The following SLC7A2 variants were observed in gnomAD, a reference collection of about 807,000 sequenced individuals.
The protein encoded by SLC7A2 is cationic amino acid transporter 2.
SLC7A2 carries 48 observed loss-of-function variants against 58.9 expected under a neutral mutation model. The observed-to-expected ratio is 0.82, with a 90% CI of 0.65 to 1.04. SLC7A2 has a LOEUF of 1.04. SLC7A2 is among the 50% of genes least tolerant of loss of function. The pLI is 0.00. For missense variants in SLC7A2, 1,029 were observed against 818.8 expected, an observed-to-expected ratio of 1.26 and a Z score of -3.13; for synonymous variants, 363 against 314.5, an observed-to-expected ratio of 1.15 and a Z score of -1.63.
At chr8:17,564,477 G>A (rs2150787277) in intron 12 of SLC7A2, among the ~76,000 whole-genome samples, 1 of 152,262 alleles carries the variant, frequency 6.6e-6, no homozygotes, top group South Asian at 2.1e-4. Flanking sequence ...TTCTTCTAAA[G>A]CAGCGGTCCC....
chr8:17,542,179 A>T (rs1801941075), intron 2 of SLC7A2, among the ~76,000 whole-genome samples: 1 of 152,240 alleles, frequency 6.6e-6, no homozygotes, highest in Admixed American at 6.5e-5. Flanking sequence ...CTTCACATTC[A>T]TTGTTTAAAA....
At position 17,551,976 on chromosome 8, in the gene SLC7A2, T is replaced by A; in HGVS notation, c.1045T>A (p.Leu349Met). 6.2e-7 allele frequency: 1 copy of A among 1,613,900 alleles called. No homozygotes were observed. The highest frequency in any genetic ancestry group is 1.1e-5 in the South Asian group (1 of 91,072). Residue 349 changes from leucine (L) to methionine (M), a missense_variant, in exon 7 of 13, where the codon TTG (leucine) becomes ATG (methionine). Transcript: ENST00000494857. ...YVVAAGSLCA[L>M]STSLLGSIFP... is the part of the protein sequence containing the mutation. ...CGTCGCAGCTGGTTCTCTCTGCGCCTTGTCAACAAGGTACATTGCATCGCC... is the reference window on the plus strand; with the variant it reads ...CGTCGCAGCTGGTTCTCTCTGCGCCATGTCAACAAGGTACATTGCATCGCC...
intron 2 of SLC7A2, among the ~76,000 whole-genome samples, chr8:17,517,969 T>C (rs967325765): frequency 2.6e-5 from 4 of 152,146 alleles, no homozygotes; most frequent in Admixed American, 2.6e-4. Context: ...TCTTAACATC[T>C]CTGAGCCTTA....
At position 17,558,382 on chromosome 8, in the gene SLC7A2, G is replaced by C. The variant is rs1376997975; in HGVS notation, c.1283G>C (p.Cys428Ser). 3.1e-6 allele frequency: 5 copies of C among 1,611,834 alleles called. No homozygotes were observed. In the Admixed American group the frequency reaches 5.0e-5, roughly 16 times the overall value. The change falls in exon 9 of 13, where the codon TGT becomes TCT. Residue 428 changes from cysteine to serine, a missense_variant. Transcript: ENST00000494857. Reference protein sequence around the residue: ...TLMAYSLVAACVLILRYQPGL... With the variant: ...TLMAYSLVAASVLILRYQPGL... ...ATGGCCTACTCTCTGGTGGCAGCCT[G>C]TGTTCTCATCCTCAGGTGAGTCACC...
chr8:17,506,054 G>C (rs946531842), intron 2 of SLC7A2, among the ~76,000 whole-genome samples: 3 of 152,214 alleles, frequency 2.0e-5, no homozygotes, highest in Non-Finnish European at 4.4e-5. Flanking sequence ...GTTAGGATTT[G>C]TAATGTTTTA....
At chr8:17,550,077 T>C (rs906141635) in intron 5 of SLC7A2, among the ~76,000 whole-genome samples, 5 of 152,162 alleles carry the variant, frequency 3.3e-5, no homozygotes, top group Non-Finnish European at 5.9e-5. Flanking sequence ...ACATGTGCTA[T>C]CAATCAGCCT....
At chr8:17,543,915 T>G (rs1322327185) in intron 3 of SLC7A2, among the ~76,000 whole-genome samples, 200 bp downstream of exon 3, 3 of 152,092 alleles carry the variant, frequency 2.0e-5, no homozygotes, top group East Asian at 3.9e-4. Context: ...TCGCCCAGGC[T>G]TGAAGTGCAG....
intron 2 of SLC7A2, among the ~76,000 whole-genome samples, chr8:17,509,076 C>G (rs1800490037): frequency 6.6e-6 from 1 of 152,122 alleles, no homozygotes; most frequent in Admixed American, 6.5e-5. Flanking sequence ...CTGTAGACAT[C>G]AGCTGTAGTT....
chr8:17,525,029 AAC>A (rs971165417), intron 2 of SLC7A2, among the ~76,000 whole-genome samples: 2 of 152,170 alleles, frequency 1.3e-5, no homozygotes, highest in Non-Finnish European at 2.9e-5. Context: ...GTTGTAATCT[AAC>A]ACAGAACCAT....
chr8:17,529,962 C>A (rs536162948), intron 2 of SLC7A2, among the ~76,000 whole-genome samples: 3 of 152,162 alleles, frequency 2.0e-5, no homozygotes, highest in Non-Finnish European at 4.4e-5. Context: ...GCAAAAACTA[C>A]GATTACTTTT....
Position 17,550,225 on chromosome 8 carries a change from T to C in SLC7A2, c.699-76T>C, listed in dbSNP as rs140902009. 820 of 1,377,498 alleles carry C rather than the reference T, an allele frequency of 6.0e-4. 7 individuals carry two copies. Among genetic ancestry groups the C allele is most frequent in the Middle Eastern group, 1.5e-3 (8 of 5,386 alleles). 85.3% of individuals were successfully genotyped at this position (1,377,498 alleles called of 1,614,324 possible). On this transcript the variant is annotated intron_variant, in intron 5 of 12. Coordinates refer to ENST00000494857, the MANE Select transcript of SLC7A2 (RefSeq NM_001370338.1). The stretch of plus-strand genomic sequence containing the variant: ...AATAAACACAACCACCTTCCAAGGA[T>C]ATAGTCTGAGAAAAGTCACCAGAAG...
rs563386961 is a variant in SLC7A2, at chr8:17,552,704, A to G, written c.1055+718A>G. Among the ~76,000 whole-genome samples, 30 of 152,236 alleles carry G rather than the reference A, an allele frequency of 2.0e-4. No homozygotes were observed. The South Asian group carries it at 5.4e-3, about 27-fold the overall frequency. ...AAGGGAAAAGGGTCATTGAATCCCA[A>G]GTTTTCAGATTTTCAGTAGCTGCTT... On this transcript the variant is annotated intron_variant, in intron 7 of 12. Coordinates refer to ENST00000494857, the MANE Select transcript of SLC7A2 (RefSeq NM_001370338.1).
chr8:17,519,372 C>T (rs1172545457), intron 2 of SLC7A2, among the ~76,000 whole-genome samples: 1 of 152,190 alleles, frequency 6.6e-6, no homozygotes, highest in African/African-American at 2.4e-5. Context: ...AGGAGCATGT[C>T]TCATTCCAGG....
chr8:17,555,093 C>A, intron 8 of SLC7A2: 1 of 1,612,944 alleles, frequency 6.2e-7, no homozygotes, highest in Non-Finnish European at 8.5e-7. Flanking sequence ...GTAAGCTTTA[C>A]AAACTTAGGT....
At chr8:17,534,338 A>G (rs1563456173) in intron 2 of SLC7A2, among the ~76,000 whole-genome samples, 1 of 152,166 alleles carries the variant, frequency 6.6e-6, no homozygotes, top group African/African-American at 2.4e-5. Context: ...TCATCTTTTT[A>G]AACAGTTTCT....
intron 2 of SLC7A2, among the ~76,000 whole-genome samples, chr8:17,538,085 G>C (rs1431787627): frequency 6.6e-6 from 1 of 152,136 alleles, no homozygotes; most frequent in East Asian, 1.9e-4. Flanking sequence ...CCCTTTATTT[G>C]TTGAATGTCT....
intron 2 of SLC7A2, among the ~76,000 whole-genome samples, chr8:17,532,240 A>AAAAAAAAAAAC (rs1801484988): frequency 2.7e-5 from 3 of 109,322 alleles, no homozygotes; most frequent in African/African-American, 9.5e-5. Flanking sequence ...AAAAAAAAAA[A>AAAAAAAAAAAC]AAAAAAAAAA....
At chr8:17,533,051 T>C (rs1801522540) in intron 2 of SLC7A2, among the ~76,000 whole-genome samples, 1 of 152,300 alleles carries the variant, frequency 6.6e-6, no homozygotes, top group South Asian at 2.1e-4. Flanking sequence ...TAAATGGTTC[T>C]TGGTTTGCAT....
At chr8:17,507,271 A>G (rs1165806175) in intron 2 of SLC7A2, among the ~76,000 whole-genome samples, 2 of 152,188 alleles carry the variant, frequency 1.3e-5, no homozygotes, top group Non-Finnish European at 2.9e-5. Context: ...ATTGGGGATC[A>G]GTACAATTAC....
Sources: gnomAD v4.1 joint callset for allele counts (sites outside exome capture counted in the v4.1 genomes callset) on GRCh38, gnomAD v4.1.1 for gene constraint, MANE v1.5 for transcripts, NCBI Gene and HGNC (gene_info 2026-07-23, HGNC 2026-07-21) for gene names.